The following ATP13A4 variants were observed in gnomAD, a reference collection of about 807,000 sequenced individuals.
The protein encoded by ATP13A4 is probable cation-transporting ATPase 13A4.
ATP13A4 carries 114 observed loss-of-function variants against 142.5 expected under a neutral mutation model. The observed-to-expected ratio is 0.80, with a 90% CI of 0.69 to 0.93. The LOEUF (loss-of-function observed/expected upper bound fraction) is 0.93. ATP13A4 is among the 40% of genes least tolerant of loss of function. The pLI is 0.00. For missense variants in ATP13A4, 1,392 were observed against 1,454.0 expected, an observed-to-expected ratio of 0.96 and a Z score of 0.69; for synonymous variants, 488 against 514.8, an observed-to-expected ratio of 0.95 and a Z score of 0.70.
intron 25 of ATP13A4, among the ~76,000 whole-genome samples, chr3:193,423,148 A>G (rs1715486948): frequency 6.7e-6 from 1 of 149,818 alleles, no homozygotes; most frequent in Non-Finnish European, 1.5e-5. Flanking sequence ...CATACAACCT[A>G]CCAAGAATGA....
At chr3:193,437,037 G>T (rs1258733552) in intron 23 of ATP13A4, among the ~76,000 whole-genome samples, 1 of 139,270 alleles carries the variant, frequency 7.2e-6, no homozygotes, top group Non-Finnish European at 1.5e-5. Flanking sequence ...CCGGGAGGCG[G>T]AGCTTGCAGT....
At chr3:193,442,090 T>G (rs964292207) in intron 19 of ATP13A4, among the ~76,000 whole-genome samples, 5 of 152,020 alleles carry the variant, frequency 3.3e-5, no homozygotes, top group African/African-American at 1.2e-4. Flanking sequence ...TAGAACCCAG[T>G]GGGGTGATTG....
At chr3:193,548,437 G>C (rs899506058) in intron 1 of ATP13A4, among the ~76,000 whole-genome samples, 31 of 152,210 alleles carry the variant, frequency 2.0e-4, no homozygotes, top group Non-Finnish European at 8.8e-5. Context: ...TTATATCGAA[G>C]ATGAGTTGAC....
At chr3:193,555,139 C>A, upstream of ATP13A4, 2 of 392,228 alleles carry the variant, frequency 5.1e-6, no homozygotes, top group Non-Finnish European at 4.8e-6. Flanking sequence ...TGCCTGCCAG[C>A]CTCAGACTTC....
chr3:193,407,415 C>T, intron 28 of ATP13A4, 22 bp from the exon 29 acceptor site: 1 of 1,583,394 alleles, frequency 6.3e-7, no homozygotes, highest in Non-Finnish European at 8.7e-7. Context: ...TGATGAAGCA[C>T]AGTTAGTCTG....
At chr3:193,448,497 G>A (rs149194625) in intron 17 of ATP13A4, among the ~76,000 whole-genome samples, 167 bp from the exon 18 acceptor site, 2 of 152,086 alleles carry the variant, frequency 1.3e-5, no homozygotes, top group East Asian at 1.9e-4. Flanking sequence ...CACCACGCCC[G>A]GCTAATTTTT....
chr3:193,408,495 C>T (rs1410099111), intron 28 of ATP13A4, among the ~76,000 whole-genome samples: 1 of 152,082 alleles, frequency 6.6e-6, no homozygotes, highest in Non-Finnish European at 1.5e-5. Context: ...ATGAAAGAAG[C>T]AAGGTGCAGG....
At chr3:193,448,394 C>T (rs1045692888) in intron 17 of ATP13A4, 64 bp from the exon 18 acceptor site, 13 of 1,586,020 alleles carry the variant, frequency 8.2e-6, no homozygotes, top group Middle Eastern at 2.1e-4. Flanking sequence ...TTTTTTGAGA[C>T]GGAGTCTCGC....
intron 12 of ATP13A4, among the ~76,000 whole-genome samples, chr3:193,463,309 TGA>T (rs1718068465): frequency 6.6e-6 from 1 of 151,764 alleles, no homozygotes. Context: ...ATAAAATGGG[TGA>T]GTCCTAGTTT....
chr3:193,519,100 A>G (rs1053549141), intron 1 of ATP13A4, among the ~76,000 whole-genome samples: 1 of 152,208 alleles, frequency 6.6e-6, no homozygotes, highest in African/African-American at 2.4e-5. Context: ...GCCAAGATTG[A>G]TAAAACCTGC....
At chr3:193,451,981 G>C (rs553531719) in intron 17 of ATP13A4, among the ~76,000 whole-genome samples, 2 of 152,156 alleles carry the variant, frequency 1.3e-5, no homozygotes, top group Non-Finnish European at 2.9e-5. Context: ...GACCATACAA[G>C]ATTTTAAGAA....
At chr3:193,415,031 T>C (rs1714982184) in intron 25 of ATP13A4, among the ~76,000 whole-genome samples, 1 of 152,186 alleles carries the variant, frequency 6.6e-6, no homozygotes, top group Non-Finnish European at 1.5e-5. Context: ...TCTCATATAT[T>C]GCTTGTGGGA....
intron 1 of ATP13A4, among the ~76,000 whole-genome samples, chr3:193,541,669 T>C (rs1056773926): frequency 2.0e-5 from 3 of 152,186 alleles, no homozygotes; most frequent in African/African-American, 7.2e-5. Context: ...CCAATATTCT[T>C]CTGGCAAACT....
intron 7 of ATP13A4, among the ~76,000 whole-genome samples, chr3:193,485,999 C>T (rs1477992187): frequency 2.7e-5 from 4 of 150,708 alleles, no homozygotes; most frequent in African/African-American, 4.9e-5. Flanking sequence ...TAAAATAATG[C>T]CATTCTCCTG....
At chr3:193,513,616 G>A (rs113228537) in intron 2 of ATP13A4, among the ~76,000 whole-genome samples, 10 of 152,320 alleles carry the variant, frequency 6.6e-5, no homozygotes, top group African/African-American at 2.2e-4. Flanking sequence ...TGACAGTCCC[G>A]CAGGGATGAT....
intron 2 of ATP13A4, chr3:193,579,327 G>T: frequency 4.8e-6 from 1 of 207,112 alleles, no homozygotes; most frequent in South Asian, 9.6e-5. Flanking sequence ...CACCACGTGT[G>T]TAGATTGGAT....
intron 1 of ATP13A4, among the ~76,000 whole-genome samples, chr3:193,523,948 C>A (rs994063261): frequency 6.6e-6 from 1 of 152,148 alleles, no homozygotes; most frequent in African/African-American, 2.4e-5. Context: ...TCCTCAGTTT[C>A]TCTTTCTTGC....
At chr3:193,446,582 C>T (rs1716966385) in intron 18 of ATP13A4, among the ~76,000 whole-genome samples, 1 of 152,090 alleles carries the variant, frequency 6.6e-6, no homozygotes, top group Admixed American at 6.5e-5. Flanking sequence ...GTTATATAAA[C>T]CAATGTTCTT....
chr3:193,518,230 A>G (rs1721532064), intron 1 of ATP13A4, among the ~76,000 whole-genome samples: 1 of 152,244 alleles, frequency 6.6e-6, no homozygotes, highest in Admixed American at 6.5e-5. Context: ...TCAGTGAGTG[A>G]GATGTACTGT....
Sources: gnomAD v4.1 joint callset for allele counts (sites outside exome capture counted in the v4.1 genomes callset) on GRCh38, gnomAD v4.1.1 for gene constraint, MANE v1.5 for transcripts, NCBI Gene and HGNC (gene_info 2026-07-23, HGNC 2026-07-21) for gene names.